SI: variants seen among roughly 807,000 people sequenced by gnomAD.
SI encodes the protein sucrase-isomaltase, intestinal.
In SI, 235 loss-of-function variants were observed where a neutral mutation model predicts 253.3. That is an observed-to-expected ratio of 0.93 (90% CI 0.83 to 1.03). SI has a LOEUF of 1.03. SI is among the 50% of genes least tolerant of loss of function. The pLI, the probability that SI is intolerant of heterozygous loss-of-function variation, is 0.00. For synonymous variants in SI, 819 were observed against 712.0 expected, an observed-to-expected ratio of 1.15 and a Z score of -2.39; for missense variants, 2,442 against 2,211.1, an observed-to-expected ratio of 1.10 and a Z score of -2.09.
intron 1 of SI, among the ~76,000 whole-genome samples, chr3:165,077,037 G>A (rs1010030720): frequency 7.4e-6 from 1 of 134,466 alleles, no homozygotes; most frequent in Admixed American, 7.9e-5. Flanking sequence ...GTCAACTCAT[G>A]TACCCAGTTG....
chr3:164,979,283 G>C lies in SI; in HGVS notation c.*79C>G. 1.2e-6 allele frequency: 1 copy of C among 857,572 alleles called. No homozygotes were observed. Among genetic ancestry groups the C allele is most frequent in the South Asian group, 1.3e-5 (1 of 76,182 alleles). 53.1% of individuals were successfully genotyped at this position (857,572 alleles called of 1,614,324 possible). On this transcript the variant is annotated 3_prime_UTR_variant, in exon 48 of 48. Transcript: ENST00000264382. ...ATTTTGTAGAGTACAAGAACCAAGT[G>C]AAGAGGGAAAATTGTAAGTGCTGTG...
chr3:164,987,156 C>A lies in SI; in HGVS notation c.5179G>T (p.Asp1727Tyr), dbSNP rs767012715. Reference sequence around the variant, plus strand: ...CACTCACCTATACTCTCTCCATCATCCCAAAACAGAGAACCCTGTGCCATC... The same window carrying A: ...CACTCACCTATACTCTCTCCATCATACCAAAACAGAGAACCCTGTGCCATC... Reference protein sequence around the residue: ...NQMAQGSLFWDDGESIDTYER... With the variant: ...NQMAQGSLFWYDGESIDTYER... The change falls in exon 45 of 48, where the codon GAT (aspartate) becomes TAT (tyrosine). Residue 1727 changes from aspartate (D) to tyrosine (Y), a missense_variant. Coordinates refer to ENST00000264382, the MANE Select transcript of SI (RefSeq NM_001041.4). 3.1e-6 allele frequency: 5 copies of A among 1,613,458 alleles called. No homozygotes were observed. The South Asian group carries it at 5.5e-5, about 18-fold the overall frequency.
chr3:165,002,496 C>G (rs1229321768), intron 37 of SI, among the ~76,000 whole-genome samples: 1 of 151,542 alleles, frequency 6.6e-6, no homozygotes, highest in East Asian at 1.9e-4. Flanking sequence ...CAAGAAATAG[C>G]TAAATGTCAA....
Position 165,049,202 on chromosome 3 carries a change from T to G in SI, c.1640A>C (p.Asp547Ala), listed in dbSNP as rs959843676. The change falls in exon 15 of 48, where the codon GAT becomes GCT. Residue 547 changes from aspartate to alanine, a missense_variant. Transcript: ENST00000264382. ...KLMYSKTICM[D>A]AVQNWGKQYD... ...CTGTTTACCCCAGTTCTGCACAGCA[T>G]CCATGCAAATTGTTTTGGAATACAT... is the stretch of plus-strand genomic sequence containing the variant. 1 of 1,611,596 alleles carries G rather than the reference T, an allele frequency of 6.2e-7. No individual in the cohort carries two copies. Among genetic ancestry groups the G allele is most frequent in the South Asian group, 1.1e-5 (1 of 90,876 alleles).
At chr3:165,058,388 G>A in intron 12 of SI, among the ~76,000 whole-genome samples, 1 of 151,578 alleles carries the variant, frequency 6.6e-6, no homozygotes, top group South Asian at 2.1e-4. Flanking sequence ...AACTAGAAAA[G>A]CAAGAGCAAA....
At chr3:165,018,216 T>C in intron 28 of SI, 150 bp from the exon 29 acceptor site, 1 of 615,338 alleles carries the variant, frequency 1.6e-6, no homozygotes, top group South Asian at 1.9e-5. Flanking sequence ...AAAATAAATG[T>C]GTCTCCCTAG....
Position 165,030,697 on chromosome 3 carries a change from T to A in SI, c.2892+15A>T. 1 of 1,606,278 alleles carries A rather than the reference T, an allele frequency of 6.2e-7. No individual in the cohort carries two copies. The highest frequency in any genetic ancestry group is 1.1e-5 in the South Asian group (1 of 90,716). On this transcript the variant is annotated intron_variant, in intron 25 of 47. Transcript: ENST00000264382. Reference sequence around the variant, plus strand: ...TGATAACCATATCATGAGTAATAGTTAAAATTATTATTACCGTTCTCCATA... The same window carrying A: ...TGATAACCATATCATGAGTAATAGTAAAAATTATTATTACCGTTCTCCATA...
intron 44 of SI, among the ~76,000 whole-genome samples, chr3:164,989,273 A>G (rs1307975522): frequency 6.6e-6 from 1 of 151,082 alleles, no homozygotes; most frequent in East Asian, 2.0e-4. Context: ...GGAACCCAGG[A>G]GGTGGAGGTT....
chr3:165,014,248 TTG>T (rs1171248118), intron 33 of SI, among the ~76,000 whole-genome samples: 2 of 150,764 alleles, frequency 1.3e-5, no homozygotes, highest in African/African-American at 4.9e-5. Context: ...TTTTTTTTTG[TTG>T]TTGTTGTTGT....
intron 12 of SI, 22 bp from the exon 13 acceptor site, chr3:165,055,329 A>G: frequency 8.5e-7 from 1 of 1,180,434 alleles, no homozygotes. Flanking sequence ...GATCATTCAC[A>G]TATATACATA....
chr3:164,986,294 C>T (rs1717431666), intron 45 of SI, among the ~76,000 whole-genome samples: 1 of 152,134 alleles, frequency 6.6e-6, no homozygotes, highest in African/African-American at 2.4e-5. Context: ...AGGCAAGTCA[C>T]AGAAACTAGA....
At chr3:165,058,923 A>C (rs1216780486) in intron 12 of SI, 40 bp downstream of exon 12, 3 of 1,576,844 alleles carry the variant, frequency 1.9e-6, no homozygotes, top group Admixed American at 3.4e-5. Context: ...TCAGAGAAGA[A>C]AATTTGAGCA....
intron 23 of SI, 22 bp from the exon 24 acceptor site, chr3:165,032,714 A>G (rs374205330): frequency 6.7e-7 from 1 of 1,496,394 alleles, no homozygotes; most frequent in African/African-American, 1.4e-5. Flanking sequence ...AGTATAAGAT[A>G]TTATATATTA....
chr3:164,997,951 T>C (rs1718091567), intron 38 of SI, among the ~76,000 whole-genome samples: 1 of 151,756 alleles, frequency 6.6e-6, no homozygotes. Context: ...TCCATGTCTT[T>C]GTCGAAGAGT....
the SI span, among the ~76,000 whole-genome samples, chr3:165,087,311 A>G: frequency 6.6e-6 from 1 of 152,116 alleles, no homozygotes; most frequent in Admixed American, 6.6e-5. Context: ...AAACTAGAAC[A>G]GAGAACGACA....
rs1719011409 is a variant in SI at position 165,016,057 on chromosome 3, G to A, written c.3783C>T (p.Asp1261=). 2.5e-6 allele frequency: 4 copies of A among 1,612,756 alleles called. No individual in the cohort carries two copies. Among genetic ancestry groups the A allele is most frequent in the Non-Finnish European group, 3.4e-6 (4 of 1,179,156 alleles). ...TAAAGTCTAGCTGCCTTTCCATGTA[G>A]TCAATGTCTGTGTACTGAACATCCT... is the stretch of plus-strand genomic sequence containing the variant. The part of the protein sequence containing the change: ...IPYDVQYTDI[D]YMERQLDFTI... The change falls in exon 32 of 48, where the codon GAC becomes GAT. Residue 1261 remains aspartate (D), a synonymous_variant. Coordinates refer to ENST00000264382, the MANE Select transcript of SI (RefSeq NM_001041.4).
At position 165,023,603 on chromosome 3, in the gene SI, C is replaced by A; in HGVS notation, c.3066G>T (p.Val1022=). 6.2e-7 allele frequency: 1 copy of A among 1,610,592 alleles called. No homozygotes were observed. The highest frequency in any genetic ancestry group is 8.5e-7 in the Non-Finnish European group (1 of 1,177,772). Residue 1022 remains valine, a synonymous_variant, in exon 26 of 48, where the codon GTG becomes GTT. Transcript: ENST00000264382. The stretch of plus-strand genomic sequence containing the variant: ...GCAACATATCATTTTTGTGATATTT[C>A]ACCTCCACACGAAGAGTTGAGATGG... ...SDPISTLRVE[V]KYHKNDMLQF...
chr3:165,010,610 G>A (rs1055346841), intron 34 of SI, among the ~76,000 whole-genome samples: 1 of 152,140 alleles, frequency 6.6e-6, no homozygotes, highest in African/African-American at 2.4e-5. Flanking sequence ...ATAACAAATG[G>A]TAGTGCCAGA....
chr3:165,023,322 ATT>A (rs1225340319), intron 26 of SI, among the ~76,000 whole-genome samples: 9 of 151,530 alleles, frequency 5.9e-5, no homozygotes, highest in Non-Finnish European at 1.2e-4. Context: ...TGACTTATGT[ATT>A]TTGTAAGAAT....
Sources: gnomAD v4.1 joint callset for allele counts (sites outside exome capture counted in the v4.1 genomes callset) on GRCh38, gnomAD v4.1.1 for gene constraint, MANE v1.5 for transcripts, NCBI Gene and HGNC (gene_info 2026-07-23, HGNC 2026-07-21) for gene names.